DDX4: variants seen among roughly 807,000 people sequenced by gnomAD.
DDX4 encodes DEAD-box helicase 4.
DDX4 carries 25 observed loss-of-function variants against 100.0 expected under a neutral mutation model. The ratio of observed to expected loss-of-function variants is 0.25; its 90% CI spans 0.18 to 0.35. DDX4 has a LOEUF of 0.35. Ranked by LOEUF, DDX4 falls within the 10% of genes least tolerant of loss-of-function variation. The pLI, the probability that DDX4 is intolerant of heterozygous loss-of-function variation, is 1.00. For missense variants in DDX4, 635 were observed against 882.4 expected, an observed-to-expected ratio of 0.72 and a Z score of 3.55; for synonymous variants, 259 against 275.7, an observed-to-expected ratio of 0.94 and a Z score of 0.60.
chr5:55,767,973 A>G (rs1741033810), intron 7 of DDX4, 33 bp downstream of exon 7: 3 of 1,589,196 alleles, frequency 1.9e-6, no homozygotes, highest in Admixed American at 3.3e-5. Context: ...ATTTGTACTT[A>G]ACACAGAGAC....
At chr5:55,814,747 C>A (rs1275776882) in intron 19 of DDX4, among the ~76,000 whole-genome samples, 154 bp from the exon 20 acceptor site, 1 of 152,192 alleles carries the variant, frequency 6.6e-6, no homozygotes, top group Non-Finnish European at 1.5e-5. Context: ...GCTTCAGCCT[C>A]CCAAAGTGCT....
chr5:55,755,861 C>T (rs982113103), intron 3 of DDX4, among the ~76,000 whole-genome samples: 1 of 152,156 alleles, frequency 6.6e-6, no homozygotes, highest in African/African-American at 2.4e-5. Flanking sequence ...AGAAAAACAG[C>T]ATTATTAACA....
chr5:55,746,164 G>C lies in DDX4; in HGVS notation c.70G>C (p.Asp24His). ...MSSYVPIFEK[D>H]RYSGENGDNF... The stretch of plus-strand genomic sequence containing the variant: ...GTTTTTTCTTTCTTCTTTCTCACAG[G>C]ATAGGTATTCTGGAGAAAATGGAGA... The change falls in exon 3 of 22, where the codon GAT becomes CAT. Residue 24 changes from aspartate to histidine, a missense_variant and splice_region_variant. Around this residue, in one of 4 missense-constraint regions of DDX4, gnomAD observed 446 missense variants for 540.8 expected, o/e 0.82. Transcript: ENST00000505374. 9 of 1,610,154 alleles carry C rather than the reference G, an allele frequency of 5.6e-6. No homozygotes were observed. Among genetic ancestry groups the C allele is most frequent in the Non-Finnish European group, 7.6e-6 (9 of 1,178,504 alleles).
intron 15 of DDX4, among the ~76,000 whole-genome samples, chr5:55,789,668 G>A (rs146884113): frequency 2.9e-3 from 447 of 152,292 alleles, no homozygotes; most frequent in African/African-American, 0.01. Context: ...AAAATTGAAA[G>A]TGCAGGGTCC....
At chr5:55,793,754 T>A (rs1742739412) in intron 17 of DDX4, among the ~76,000 whole-genome samples, 1 of 152,246 alleles carries the variant, frequency 6.6e-6, no homozygotes, top group African/African-American at 2.4e-5. Flanking sequence ...TCATGTTGGA[T>A]AATGCCCTGT....
chr5:55,778,332 T>G (rs1474053616), intron 7 of DDX4, among the ~76,000 whole-genome samples: 2 of 152,062 alleles, frequency 1.3e-5, no homozygotes, highest in Non-Finnish European at 2.9e-5. Context: ...CTTAAATGCA[T>G]CAGAGAAAGG....
At chr5:55,800,987 A>G (rs1348030392) in intron 18 of DDX4, among the ~76,000 whole-genome samples, 1 of 152,060 alleles carries the variant, frequency 6.6e-6, no homozygotes, top group African/African-American at 2.4e-5. Flanking sequence ...CTTTTTCATA[A>G]TTTTAATTTT....
At chr5:55,790,472 G>C in intron 15 of DDX4, 104 bp from the exon 16 acceptor site, 1 of 798,124 alleles carries the variant, frequency 1.3e-6, no homozygotes, top group Non-Finnish European at 2.1e-6. Context: ...TTAGATAGTT[G>C]AATGTTTGTT....
At chr5:55,804,284 CT>C (rs764280402) in intron 18 of DDX4, among the ~76,000 whole-genome samples, 1,578 of 152,014 alleles carry the variant, frequency 0.01, 22 homozygotes, top group African/African-American at 0.036. Flanking sequence ...CCTGTTCACT[CT>C]GATGGTAGTT....
At chr5:55,801,494 C>T (rs556922635) in intron 18 of DDX4, among the ~76,000 whole-genome samples, 14 of 152,242 alleles carry the variant, frequency 9.2e-5, no homozygotes, top group African/African-American at 3.1e-4. Context: ...TCCATTGCAA[C>T]AGTTATGAAA....
At chr5:55,813,156 A>G (rs568009955) in intron 18 of DDX4, among the ~76,000 whole-genome samples, 1 of 152,216 alleles carries the variant, frequency 6.6e-6, no homozygotes, top group South Asian at 2.1e-4. Flanking sequence ...ATTTTTTAAT[A>G]TGTAAGATAT....
chr5:55,774,335 A>G (rs1741434796), intron 7 of DDX4, among the ~76,000 whole-genome samples: 1 of 151,692 alleles, frequency 6.6e-6, no homozygotes, highest in African/African-American at 2.4e-5. Context: ...TATTTTTTGT[A>G]GGGATGGGGT....
At position 55,792,603 on chromosome 5, in the gene DDX4, A is replaced by G. The variant is rs551333998; in HGVS notation, c.1303-38A>G. 8 of 1,082,950 alleles carry G rather than the reference A, an allele frequency of 7.4e-6. No homozygotes were observed. In the Admixed American group the frequency reaches 1.0e-4, roughly 14 times the overall value. 67.1% of individuals were successfully genotyped at this position (1,082,950 alleles called of 1,614,324 possible). A position where few individuals can be genotyped will look rare whatever the true frequency, so the allele number is the denominator to read the frequency against. On this transcript the variant is annotated intron_variant, in intron 16 of 21. Transcript: ENST00000505374. ...AGAGAATAGTTTAATATAAACTAAT[A>G]TGCATTTTCTGTTTTACCTTTGAAA...
chr5:55,810,519 G>A (rs985634813), intron 18 of DDX4, among the ~76,000 whole-genome samples: 4 of 152,128 alleles, frequency 2.6e-5, no homozygotes, highest in African/African-American at 7.2e-5. Context: ...TGAGCATCAT[G>A]TCAGTACTCA....
At chr5:55,762,438 C>T (rs1353795480) in intron 4 of DDX4, among the ~76,000 whole-genome samples, 1 of 151,974 alleles carries the variant, frequency 6.6e-6, no homozygotes, top group East Asian at 1.9e-4. Flanking sequence ...GACTGGAGGG[C>T]TAAAGGAAGA....
intron 2 of DDX4, chr5:55,742,028 T>G: frequency 2.7e-6 from 1 of 371,680 alleles, no homozygotes; most frequent in South Asian, 2.0e-5. Flanking sequence ...TTATATAATT[T>G]TGAAATAATT....
intron 7 of DDX4, among the ~76,000 whole-genome samples, chr5:55,772,666 G>A (rs1403265791): frequency 6.6e-6 from 1 of 152,122 alleles, no homozygotes; most frequent in Non-Finnish European, 1.5e-5. Context: ...GGGCTGTTGA[G>A]TGAGTTGCCT....
In DDX4 at chr5:55,787,883, A is replaced by G. The variant is rs758621693; in HGVS notation, c.1055A>G (p.His352Arg). Residue 352 changes from histidine (H) to arginine (R), a missense_variant, in exon 15 of 22, where the codon CAT (histidine) becomes CGT (arginine). By Grantham distance (29) the His-to-Arg change is conservative (BLOSUM62 0). Transcript: ENST00000505374. ...CTACCAATTTTGGCTCATATGATGC[A>G]TGATGGAATAACTGCCAGTCGTTTT... ...FLLPILAHMM[H>R]DGITASRFKE... is the part of the protein sequence containing the mutation. The G allele has an allele frequency of 1.9e-6, 3 of 1,613,906 alleles. No individual in the cohort carries two copies. Among genetic ancestry groups the G allele is most frequent in the Admixed American group, 3.3e-5 (2 of 59,984 alleles).
chr5:55,800,728 A>G (rs535174582), intron 18 of DDX4, among the ~76,000 whole-genome samples: 4 of 152,186 alleles, frequency 2.6e-5, no homozygotes, highest in African/African-American at 7.2e-5. Context: ...GAAAAGGTCA[A>G]TGTATTATAT....
Sources: allele counts gnomAD v4.1 joint callset (sites outside exome capture counted in the v4.1 genomes callset), GRCh38; gene constraint gnomAD v4.1.1; regional missense constraint gnomAD v4.1.1; transcripts MANE v1.5; gene names NCBI Gene and HGNC (gene_info 2026-07-23, HGNC 2026-07-21).